Variants in CEP290 observed in about 807,000 individuals in gnomAD.
The protein encoded by CEP290 is centrosomal protein of 290 kDa.
Under a neutral mutation model 344.9 loss-of-function variants are expected in CEP290, and 317 were observed. That is an observed-to-expected ratio of 0.92 (90% CI 0.84 to 1.01). The LOEUF is 1.01. CEP290 is among the 50% of genes least tolerant of loss of function. The probability of loss-of-function intolerance (pLI) is 0.00; values close to 1 mark genes in which losing one functional copy is unlikely to be tolerated. For synonymous variants in CEP290, 932 were observed against 895.8 expected (o/e 1.04, Z -0.72); for missense variants, 2,754 against 2,761.4 (o/e 1.00, Z 0.06).
Position 88,077,221 on chromosome 12 carries a change from C to T in CEP290, c.5709+1G>A, listed in dbSNP as rs759850328. ...ATAAGTCAGTATGTTTCTTCACATA[C>T]CTTTTCTTTCATAGGTTTTAGGTCT... On this transcript the variant is annotated splice_donor_variant, in intron 41 of 53. Transcript: ENST00000552810. LOFTEE classifies it high-confidence loss of function. The T allele has an allele frequency of 3.7e-6, 6 of 1,600,252 alleles. No homozygotes were observed. The South Asian group carries it at 5.7e-5, about 15-fold the overall frequency.
At chr12:88,135,176 G>A (rs958873306) in intron 6 of CEP290, among the ~76,000 whole-genome samples, 2 of 152,070 alleles carry the variant, frequency 1.3e-5, no homozygotes, top group Admixed American at 1.3e-4. Context: ...AAAACTGAAT[G>A]ACTGGTTAAC....
At chr12:88,079,354 A>C (rs974190320) in intron 38 of CEP290, 125 bp from the exon 39 acceptor site, 2 of 708,114 alleles carry the variant, frequency 2.8e-6, no homozygotes, top group Non-Finnish European at 4.3e-6. Flanking sequence ...TTATGAGTTT[A>C]ATGGAACATA....
chr12:88,051,040 A>T (rs1467748939), intron 52 of CEP290, among the ~76,000 whole-genome samples: 1 of 151,952 alleles, frequency 6.6e-6, no homozygotes, highest in African/African-American at 2.4e-5. Context: ...GGCAAATAGG[A>T]TTTTTGCTTT....
chr12:88,089,651 TG>T (rs2036868353), intron 30 of CEP290, among the ~76,000 whole-genome samples, 164 bp from the exon 31 acceptor site: 1 of 151,684 alleles, frequency 6.6e-6, no homozygotes, highest in Admixed American at 6.6e-5. Context: ...ACCAAAGAAC[TG>T]TAAAAGAAAA....
chr12:88,107,019 CA>C lies in CEP290; in HGVS notation c.2562del (p.Asp854GlufsTer3). The C allele has an allele frequency of 6.4e-7, 1 of 1,550,938 alleles. No homozygotes were observed. The highest frequency in any genetic ancestry group is 8.7e-7 in the Non-Finnish European group (1 of 1,148,244). On this transcript the variant is annotated frameshift_variant, in exon 24 of 54. Coordinates refer to ENST00000552810, the MANE Select transcript of CEP290 (RefSeq NM_025114.4). LOFTEE classifies it high-confidence loss of function. ...KRKLEDQVQQ[D>X]AIKVKEYNNL... Reference sequence around the variant, plus strand: ...ACATTATATTCTTTTACTTTTATAGCATCTTGTTGGACTTGATCCTCAAGTT... The same window carrying C: ...ACATTATATTCTTTTACTTTTATAGCTCTTGTTGGACTTGATCCTCAAGTT...
chr12:88,103,486 A>G (rs1326084696), intron 25 of CEP290: 1 of 152,836 alleles, frequency 6.5e-6, no homozygotes, highest in African/African-American at 2.4e-5. Context: ...TGATGGAAAC[A>G]TTAGCGGGAG....
At position 88,079,177 on chromosome 12, in the gene CEP290, T is replaced by C. The variant is rs1400564198; in HGVS notation, c.5279A>G (p.Glu1760Gly). The change falls in exon 39 of 54, where the codon GAA (glutamate) becomes GGA (glycine). Residue 1760 changes from glutamate (E) to glycine (G), a missense_variant. Coordinates refer to ENST00000552810, the MANE Select transcript of CEP290 (RefSeq NM_025114.4). ...ELRAEMTAAAEERIISATSQK... is the reference protein window; with the variant it reads ...ELRAEMTAAAGERIISATSQK... ...AGAAGTTGCAGAAATAATACGTTCT[T>C]CAGCAGCTGCTGTCATTTCTGCCCG... 6.2e-7 allele frequency: 1 copy of C among 1,602,566 alleles called. No individual in the cohort carries two copies.
intron 37 of CEP290, among the ~76,000 whole-genome samples, chr12:88,081,932 C>A (rs1355541418): frequency 1.3e-5 from 2 of 152,182 alleles, no homozygotes; most frequent in East Asian, 3.8e-4. Context: ...TGAAAATACA[C>A]ATATGCTGTT....
At chr12:88,121,309 T>G in intron 13 of CEP290, 143 bp from the exon 14 acceptor site, 2 of 650,870 alleles carry the variant, frequency 3.1e-6, no homozygotes, top group Non-Finnish European at 5.1e-6. Context: ...AAGATGAAAG[T>G]TTTGTTTTGG....
chr12:88,102,900 T>G lies in CEP290; in HGVS notation c.2929A>C (p.Arg977=), dbSNP rs765840717. The change falls in exon 26 of 54, where the codon AGG becomes CGG. Residue 977 remains arginine (R), a synonymous_variant. Transcript: ENST00000552810. ...ATATTATCTTTTTGCAAGATGTCCC[T>G]GTACTTAGCAGTCAGTTCATTGTAC... The part of the protein sequence containing the change: ...KQYNELTAKY[R]DILQKDNMLV... 8.1e-6 allele frequency: 13 copies of G among 1,611,304 alleles called. No homozygotes were observed. The highest frequency in any genetic ancestry group is 1.3e-5 in the African/African-American group (1 of 74,818).
chr12:88,084,019 C>T (rs973987109), intron 35 of CEP290, 65 bp from the exon 36 acceptor site: 18 of 1,000,430 alleles, frequency 1.8e-5, no homozygotes, highest in Admixed American at 1.5e-4. Flanking sequence ...ATTTTGAAGA[C>T]CTTATATATT....
At chr12:88,059,074 AG>A (rs1252905182) in intron 48 of CEP290, 54 bp from the exon 49 acceptor site, 1 of 1,371,462 alleles carries the variant, frequency 7.3e-7, no homozygotes, top group Non-Finnish European at 9.9e-7. Flanking sequence ...CTGTTCTCAT[AG>A]ATTCAGTGTA....
At position 88,130,417 on chromosome 12, in the gene CEP290, C is replaced by T; in HGVS notation, c.520G>A (p.Glu174Lys). The T allele has an allele frequency of 1.9e-6, 3 of 1,603,510 alleles. No individual in the cohort carries two copies. The highest frequency in any genetic ancestry group is 2.5e-6 in the Non-Finnish European group (3 of 1,177,024). The change falls in exon 9 of 54, where the codon GAA (glutamate) becomes AAA (lysine). Residue 174 changes from glutamate to lysine, a missense_variant. Physicochemically the swap from Glu to Lys is moderately conservative, Grantham distance 56. Transcript: ENST00000552810. ...TCAATAATATCCTGACAAAGTTGTT[C>T]ATTCTGAAGGTAACCAAACACAACA... ...RENKRLKKKN[E>K]QLCQDIIDYQ...
intron 13 of CEP290, among the ~76,000 whole-genome samples, chr12:88,121,604 T>A (rs1379084453): frequency 2.3e-5 from 3 of 129,430 alleles, no homozygotes; most frequent in South Asian, 5.4e-4. Context: ...AAAGTTCATA[T>A]GTGAATTTCA....
intron 34 of CEP290, among the ~76,000 whole-genome samples, 168 bp downstream of exon 34, chr12:88,085,871 C>G (rs2036538283): frequency 6.6e-6 from 1 of 152,056 alleles, no homozygotes; most frequent in South Asian, 2.1e-4. Context: ...TTAACTATAT[C>G]TGCTGTTCAT....
intron 29 of CEP290, 96 bp from the exon 30 acceptor site, chr12:88,090,935 C>T (rs1030678017): frequency 3.9e-5 from 25 of 635,722 alleles, no homozygotes; most frequent in African/African-American, 1.5e-4. Flanking sequence ...AAAAGCCATT[C>T]GTTTTCAGCA....
chr12:88,111,374 G>T, intron 21 of CEP290, 23 bp from the exon 22 acceptor site: 1 of 1,554,422 alleles, frequency 6.4e-7, no homozygotes, highest in South Asian at 1.2e-5. Flanking sequence ...ATCCAGCAAT[G>T]AGAATCACAA....
intron 23 of CEP290, among the ~76,000 whole-genome samples, chr12:88,108,419 T>G (rs538691734): frequency 6.6e-6 from 1 of 152,240 alleles, no homozygotes; most frequent in Non-Finnish European, 1.5e-5. Context: ...ACAACCATCA[T>G]AGGCGATAAC....
intron 39 of CEP290, 58 bp from the exon 40 acceptor site, chr12:88,077,976 A>C: frequency 1.4e-6 from 1 of 739,350 alleles, no homozygotes; most frequent in South Asian, 2.1e-5. Flanking sequence ...TCAATGATAA[A>C]AGGAACATAA....
Sources: allele counts gnomAD v4.1 joint callset (sites outside exome capture counted in the v4.1 genomes callset), GRCh38; gene constraint gnomAD v4.1.1; transcripts MANE v1.5; gene names NCBI Gene and HGNC (gene_info 2026-07-23, HGNC 2026-07-21).